The following HHAT variants were observed in gnomAD, a reference collection of about 807,000 sequenced individuals.
HHAT encodes the protein protein-cysteine N-palmitoyltransferase HHAT.
Under a neutral mutation model 70.8 loss-of-function variants are expected in HHAT, and 47 were observed. That is an observed-to-expected ratio of 0.66 (90% confidence interval 0.53 to 0.85). The LOEUF (loss-of-function observed/expected upper bound fraction) is 0.85, where lower values mean the gene tolerates loss of function less well. HHAT is among the 40% of genes least tolerant of loss of function. The pLI, the probability that HHAT is intolerant of heterozygous loss-of-function variation, is 0.00. For missense variants in HHAT, 609 were observed against 604.8 expected (o/e 1.01, Z -0.07); for synonymous variants, 228 against 247.6 (o/e 0.92, Z 0.74).
At chr1:210,597,457 A>G (rs192651894) in intron 10 of HHAT, among the ~76,000 whole-genome samples, 2 of 84,134 alleles carry the variant, frequency 2.4e-5, no homozygotes, top group Non-Finnish European at 3.3e-5. Context: ...CTAAGATGCC[A>G]TCCAGGAGCC....
chr1:210,657,817 G>A (rs143532564), intron 11 of HHAT, among the ~76,000 whole-genome samples: 340 of 152,246 alleles, frequency 2.2e-3, no homozygotes, highest in Non-Finnish European at 4.1e-3. Context: ...GCCAGTGTGC[G>A]CCAGATGCCT....
intron 9 of HHAT, among the ~76,000 whole-genome samples, chr1:210,570,076 G>A (rs1220363527): frequency 6.6e-6 from 1 of 152,192 alleles, no homozygotes; most frequent in Admixed American, 6.5e-5. Flanking sequence ...CAGTTTATGT[G>A]ATACCAGGTT....
intron 6 of HHAT, among the ~76,000 whole-genome samples, chr1:210,406,894 C>G (rs368944725): frequency 7.6e-4 from 116 of 152,308 alleles, no homozygotes; most frequent in African/African-American, 2.8e-3. Flanking sequence ...TTATCCATGT[C>G]TTTTCCTTCC....
intron 8 of HHAT, among the ~76,000 whole-genome samples, chr1:210,510,075 AT>A (rs2094928694): frequency 6.6e-6 from 1 of 152,188 alleles, no homozygotes; most frequent in Non-Finnish European, 1.5e-5. Context: ...AGAAAGACAT[AT>A]TTTGCCTTTC....
chr1:210,435,037 A>G (rs1006322769), intron 7 of HHAT, among the ~76,000 whole-genome samples: 1 of 151,856 alleles, frequency 6.6e-6, no homozygotes, highest in African/African-American at 2.4e-5. Context: ...AATGTTAACT[A>G]TAGTTACCCT....
intron 7 of HHAT, among the ~76,000 whole-genome samples, chr1:210,425,352 T>A (rs1357572203): frequency 6.6e-6 from 1 of 152,230 alleles, no homozygotes; most frequent in Non-Finnish European, 1.5e-5. Flanking sequence ...TTTAATTAGA[T>A]CCCATTTGTC....
chr1:210,636,315 T>C (rs1266599511), intron 11 of HHAT, among the ~76,000 whole-genome samples: 2 of 152,184 alleles, frequency 1.3e-5, no homozygotes. Flanking sequence ...CCTTCTCCTT[T>C]GGAGGTGGGA....
At chr1:210,533,056 A>T (rs1233650103) in intron 9 of HHAT, among the ~76,000 whole-genome samples, 1 of 152,070 alleles carries the variant, frequency 6.6e-6, no homozygotes, top group South Asian at 2.1e-4. Context: ...AGCATCTTGG[A>T]AGCCTCTCCT....
intron 1 of HHAT, among the ~76,000 whole-genome samples, chr1:210,343,842 A>G (rs1485114287): frequency 6.6e-6 from 1 of 152,224 alleles, no homozygotes; most frequent in African/African-American, 2.4e-5. Flanking sequence ...TCTTTGATTC[A>G]GGGAGAAAAT....
intron 1 of HHAT, chr1:210,329,578 C>T (rs892230619): frequency 5.8e-6 from 4 of 687,772 alleles, no homozygotes; most frequent in Non-Finnish European, 7.2e-6. Flanking sequence ...TGCGGAAAAA[C>T]CCTCCCGCTA....
chr1:210,446,247 A>T (rs2093632136), intron 7 of HHAT, among the ~76,000 whole-genome samples: 1 of 152,182 alleles, frequency 6.6e-6, no homozygotes, highest in Non-Finnish European at 1.5e-5. Context: ...AGATTGCCTG[A>T]GTATTGAGGT....
chr1:210,423,763 C>A (rs2092974560), intron 7 of HHAT, among the ~76,000 whole-genome samples: 1 of 152,134 alleles, frequency 6.6e-6, no homozygotes, highest in Non-Finnish European at 1.5e-5. Flanking sequence ...ATATGGGTAT[C>A]CAGTTTTCTC....
intron 4 of HHAT, among the ~76,000 whole-genome samples, chr1:210,398,676 A>G (rs552191036): frequency 8.3e-4 from 127 of 152,356 alleles, no homozygotes; most frequent in Non-Finnish European, 1.5e-3. Context: ...GTGTCTATGT[A>G]TGTAGCCACA....
intron 9 of HHAT, among the ~76,000 whole-genome samples, chr1:210,539,851 A>G (rs1393641392): frequency 1.3e-5 from 2 of 152,184 alleles, no homozygotes; most frequent in African/African-American, 2.4e-5. Context: ...CCTCCTGGAT[A>G]TGAGAGTGTG....
intron 4 of HHAT, among the ~76,000 whole-genome samples, chr1:210,389,394 C>T (rs1224901969): frequency 6.6e-6 from 1 of 152,132 alleles, no homozygotes; most frequent in Non-Finnish European, 1.5e-5. Flanking sequence ...AGTCCCACTC[C>T]CGTGATAACT....
chr1:210,619,647 G>A (rs1223374585), intron 10 of HHAT, among the ~76,000 whole-genome samples: 2 of 152,098 alleles, frequency 1.3e-5, no homozygotes, highest in African/African-American at 4.8e-5. Flanking sequence ...ATTGCCGTGC[G>A]CTTATTATCC....
intron 8 of HHAT, among the ~76,000 whole-genome samples, chr1:210,469,945 T>A (rs1459217878): frequency 6.6e-6 from 1 of 152,188 alleles, no homozygotes; most frequent in Non-Finnish European, 1.5e-5. Flanking sequence ...TTCTAGGTTT[T>A]AAGTTCCGCA....
At chr1:210,512,504 C>G (rs1339887504) in intron 8 of HHAT, among the ~76,000 whole-genome samples, 1 of 151,602 alleles carries the variant, frequency 6.6e-6, no homozygotes, top group Non-Finnish European at 1.5e-5. Flanking sequence ...GACTATGTCT[C>G]TACTAAAAAA....
chr1:210,559,036 A>G (rs1363031086), intron 9 of HHAT, among the ~76,000 whole-genome samples: 1 of 152,144 alleles, frequency 6.6e-6, no homozygotes, highest in South Asian at 2.1e-4. Context: ...CGGTCAGTTC[A>G]TTGTCAGTTG....
Sources: allele counts gnomAD v4.1 joint callset (sites outside exome capture counted in the v4.1 genomes callset), GRCh38; gene constraint gnomAD v4.1.1; transcripts MANE v1.5; gene names NCBI Gene and HGNC (gene_info 2026-07-23, HGNC 2026-07-21).